Variants in RPS6KA1 observed in about 807,000 individuals in gnomAD.
RPS6KA1 encodes the protein ribosomal protein S6 kinase A1, also known as ribosomal protein S6 kinase alpha-1.
In RPS6KA1, 48 loss-of-function variants were observed where a neutral mutation model predicts 91.3. That is an observed-to-expected ratio of 0.53 (90% CI 0.42 to 0.67). The LOEUF (loss-of-function observed/expected upper bound fraction) is 0.67. Ranked by LOEUF, RPS6KA1 falls within the 30% of genes least tolerant of loss-of-function variation. The probability of loss-of-function intolerance (pLI) is 0.00; values close to 1 mark genes in which losing one functional copy is unlikely to be tolerated. For missense variants in RPS6KA1, 719 were observed against 960.5 expected (o/e 0.75, Z 3.32); for synonymous variants, 359 against 384.7 (o/e 0.93, Z 0.78).
chr1:26,556,749 G>A, intron 12 of RPS6KA1, 31 bp downstream of exon 12: 1 of 1,612,610 alleles, frequency 6.2e-7, no homozygotes, highest in Admixed American at 1.7e-5. Context: ...CAGGGCTCTG[G>A]CCAGGGCTCA....
chr1:26,541,041 C>T (rs910929429), intron 2 of RPS6KA1, among the ~76,000 whole-genome samples: 21 of 152,000 alleles, frequency 1.4e-4, no homozygotes, highest in Non-Finnish European at 2.5e-4. Flanking sequence ...CCGCCCACCT[C>T]GGTCTCCCAA....
chr1:26,543,339 G>C, intron 2 of RPS6KA1: 1 of 769,660 alleles, frequency 1.3e-6, no homozygotes, highest in Non-Finnish European at 2.2e-6. Context: ...TCTGTCCCCA[G>C]GGAGTGCTCT....
chr1:26,548,840 A>G (rs1410601294), intron 4 of RPS6KA1, among the ~76,000 whole-genome samples: 2 of 151,908 alleles, frequency 1.3e-5, no homozygotes, highest in African/African-American at 4.8e-5. Flanking sequence ...AAGGTGACCA[A>G]AATAGTTAAC....
At position 26,533,522 on chromosome 1, in the gene RPS6KA1, A is replaced by C. The variant is rs575747208; in HGVS notation, c.64-3403A>C. On this transcript the variant is annotated intron_variant, in intron 1 of 21. Transcript: ENST00000374168. Reference sequence around the variant, plus strand: ...GGAGTTTGAGACCAGCTGGGCCAACATGGCGAAACCCCGCCTCTACTAAAA... The same window carrying C: ...GGAGTTTGAGACCAGCTGGGCCAACCTGGCGAAACCCCGCCTCTACTAAAA... 3.7e-3 allele frequency among the ~76,000 whole-genome samples: 569 copies of C among 152,058 alleles called. 4 individuals carry two copies. The highest frequency in any genetic ancestry group is 0.013 in the African/African-American group (542 of 41,576).
intron 20 of RPS6KA1, 108 bp from the exon 21 acceptor site, chr1:26,573,116 G>T (rs1275589155): frequency 9.9e-6 from 12 of 1,208,826 alleles, no homozygotes; most frequent in Admixed American, 8.3e-5. Flanking sequence ...AGGGGCTGCC[G>T]CAAGGGTTCA....
chr1:26,543,002 C>T, intron 2 of RPS6KA1: 2 of 733,750 alleles, frequency 2.7e-6, no homozygotes, highest in Non-Finnish European at 2.2e-6. Context: ...GTGTCCCCTC[C>T]TCTATAGAGG....
At chr1:26,569,226 T>C (rs1256835012) in intron 17 of RPS6KA1, among the ~76,000 whole-genome samples, 2 of 151,490 alleles carry the variant, frequency 1.3e-5, no homozygotes, top group Non-Finnish European at 2.9e-5. Context: ...CTCTGTAAAA[T>C]GGAGCTAATA....
chr1:26,570,623 G>C (rs2076240985), intron 17 of RPS6KA1, among the ~76,000 whole-genome samples: 1 of 152,196 alleles, frequency 6.6e-6, no homozygotes, highest in Non-Finnish European at 1.5e-5. Context: ...AGCAGTAAGT[G>C]TCATTCATCC....
At chr1:26,566,473 G>A (rs1168168341) in intron 17 of RPS6KA1, among the ~76,000 whole-genome samples, 1 of 151,918 alleles carries the variant, frequency 6.6e-6, no homozygotes, top group African/African-American at 2.4e-5. Flanking sequence ...TTTTAGTAGA[G>A]ACAGGGTTTC....
At chr1:26,572,012 C>A in intron 19 of RPS6KA1, 87 bp downstream of exon 19, 1 of 1,414,158 alleles carries the variant, frequency 7.1e-7, no homozygotes, top group Non-Finnish European at 9.9e-7. Flanking sequence ...AATGGCTCAG[C>A]CAGCCCCGCC....
Position 26,571,408 on chromosome 1 carries a change from C to T in RPS6KA1, c.1591-41C>T, listed in dbSNP as rs769929464. ...GGCCGCTGACCTGGGCCACTAGCCA[C>T]CTCCCCACACTGAGAACTGACCCCA... On this transcript the variant is annotated intron_variant, in intron 17 of 21. Transcript: ENST00000374168. The surrounding 1 kb of genome is among the most constrained non-coding windows in gnomAD (Gnocchi z 5.1). 1.2e-6 allele frequency: 2 copies of T among 1,604,440 alleles called. No homozygotes were observed. The highest frequency in any genetic ancestry group is 1.3e-5 in the African/African-American group (1 of 74,742).
Position 26,555,797 on chromosome 1 carries a change from G to A in RPS6KA1, c.916+172G>A, listed in dbSNP as rs892158069. On this transcript the variant is annotated intron_variant, in intron 11 of 21. Coordinates refer to ENST00000374168, the MANE Select transcript of RPS6KA1 (RefSeq NM_002953.4). The surrounding 1 kb of genome is among the most constrained non-coding windows in gnomAD (Gnocchi z 4.3). ...TCCATGTGTGGTGTTGTGGAGGGGGGAGTTGACCTGTGTGTAGGGGGAAGG... is the reference window on the plus strand; with the variant it reads ...TCCATGTGTGGTGTTGTGGAGGGGGAAGTTGACCTGTGTGTAGGGGGAAGG... Among the ~76,000 whole-genome samples, 5 of 152,124 alleles carry A rather than the reference G, an allele frequency of 3.3e-5. No homozygotes were observed. The highest frequency in any genetic ancestry group is 1.2e-4 in the African/African-American group (5 of 41,420).
At position 26,561,274 on chromosome 1, in the gene RPS6KA1, T is replaced by C; in HGVS notation, c.1431+140T>C. The C allele has an allele frequency of 2.1e-6, 2 of 949,172 alleles. No individual in the cohort carries two copies. Among genetic ancestry groups the C allele is most frequent in the South Asian group, 1.5e-5 (1 of 64,650 alleles). The allele number at this position is 949,172 out of a possible 1,614,324, so 58.8% of individuals were successfully genotyped here. On this transcript the variant is annotated intron_variant, in intron 16 of 21. Transcript: ENST00000374168. This position sits in a 1 kb window ranked among gnomAD's most constrained non-coding sequence, Gnocchi z 5.7. The stretch of plus-strand genomic sequence containing the variant: ...GAAGGAGGTCCCTTGGTCCCTTCAG[T>C]CTGCCCATACCCCAAGGGCCCTCCT...
chr1:26,558,241 G>A lies in RPS6KA1; in HGVS notation c.1085-566G>A, dbSNP rs1230386608. On this transcript the variant is annotated intron_variant, in intron 13 of 21. Coordinates refer to ENST00000374168, the MANE Select transcript of RPS6KA1 (RefSeq NM_002953.4). This position sits in a 1 kb window ranked among gnomAD's most constrained non-coding sequence, Gnocchi z 4.0. ...GGAGGGAGCGTGCGAGTTGAGTCTT[G>A]AAGGATAGGCAAGGAGTGGATTATC... 6.6e-6 allele frequency among the ~76,000 whole-genome samples: 1 copy of A among 152,208 alleles called. No homozygotes were observed. The highest frequency in any genetic ancestry group is 2.4e-5 in the African/African-American group (1 of 41,458).
rs201385156 is a variant in RPS6KA1 at position 26,547,212 on chromosome 1, C to T, written c.249C>T (p.Thr83=). 1.5e-5 allele frequency: 25 copies of T among 1,613,920 alleles called. No homozygotes were observed. The South Asian group carries it at 2.6e-4, about 17-fold the overall frequency. Residue 83 remains threonine (T), a synonymous_variant, in exon 4 of 22, where the codon ACC becomes ACT. Coordinates refer to ENST00000374168, the MANE Select transcript of RPS6KA1 (RefSeq NM_002953.4). This position sits in a 1 kb window ranked among gnomAD's most constrained non-coding sequence, Gnocchi z 4.1. ...AGGTCTTCCTGGTGCGGAAAGTCAC[C>T]CGGCCTGACAGTGGGCACCTGTATG... The part of the protein sequence containing the change: ...FGKVFLVRKV[T]RPDSGHLYAM...
intron 2 of RPS6KA1, among the ~76,000 whole-genome samples, chr1:26,539,111 A>G (rs575958465): frequency 6.6e-6 from 1 of 152,346 alleles, no homozygotes; most frequent in East Asian, 1.9e-4. Context: ...CTGTGGGCAC[A>G]TAGAACCTCT....
intron 4 of RPS6KA1, among the ~76,000 whole-genome samples, chr1:26,548,119 A>G (rs2076011871): frequency 6.6e-6 from 1 of 152,130 alleles, no homozygotes; most frequent in Non-Finnish European, 1.5e-5. Context: ...TAAGGACGTT[A>G]TGGGTGGCTT....
intron 17 of RPS6KA1, among the ~76,000 whole-genome samples, chr1:26,568,890 A>G (rs2076226323): frequency 6.6e-6 from 1 of 151,802 alleles, no homozygotes. Flanking sequence ...CCTCTAACCT[A>G]CATGCAAGTG....
At position 26,529,852 on chromosome 1, in the gene RPS6KA1, G is replaced by T. The variant is rs1403885061; in HGVS notation, c.-69G>T. 3 of 1,259,348 alleles carry T rather than the reference G, an allele frequency of 2.4e-6. No homozygotes were observed. The highest frequency in any genetic ancestry group is 3.1e-6 in the Non-Finnish European group (3 of 973,168). The allele number at this position is 1,259,348 out of a possible 1,614,324, so 78.0% of individuals were successfully genotyped here. On this transcript the variant is annotated 5_prime_UTR_variant, in exon 1 of 22. Transcript: ENST00000374168. The surrounding 1 kb of genome is among the most constrained non-coding windows in gnomAD (Gnocchi z 4.2). Reference sequence around the variant, plus strand: ...CGGCGGTTCGGGTCGCAGAGCCAGGGACCCCAGGACCCGGGAGGCGGCGCA... The same window carrying T: ...CGGCGGTTCGGGTCGCAGAGCCAGGTACCCCAGGACCCGGGAGGCGGCGCA...
Sources: gnomAD v4.1 joint callset for allele counts (sites outside exome capture counted in the v4.1 genomes callset) on GRCh38, gnomAD v4.1.1 for gene constraint, Gnocchi (gnomAD v3.1) non-coding constraint, MANE v1.5 for transcripts, NCBI Gene and HGNC (gene_info 2026-07-23, HGNC 2026-07-21) for gene names.